The following ST7 variants were observed in gnomAD, a reference collection of about 807,000 sequenced individuals.
ST7 encodes suppressor of tumorigenicity 7 protein.
Under a neutral mutation model 78.7 loss-of-function variants are expected in ST7, and 28 were observed. The observed-to-expected ratio is 0.36, with a 90% CI of 0.26 to 0.49. ST7 has a LOEUF of 0.49. Among genes scored for constraint, ST7 ranks in the 20% least tolerant of loss-of-function variants. The pLI, the probability that ST7 is intolerant of heterozygous loss-of-function variation, is 0.99. For synonymous variants in ST7, 247 were observed against 249.6 expected (o/e 0.99, Z 0.10); for missense variants, 418 against 696.0 (o/e 0.60, Z 4.49).
intron 3 of ST7, among the ~76,000 whole-genome samples, chr7:117,127,350 C>T (rs1803935842): frequency 6.6e-6 from 1 of 151,766 alleles, no homozygotes; most frequent in African/African-American, 2.4e-5. Flanking sequence ...AGGTATGTTA[C>T]CTAGAGTGAT....
chr7:117,004,102 T>G (rs948513062), intron 1 of ST7, among the ~76,000 whole-genome samples: 9 of 152,236 alleles, frequency 5.9e-5, no homozygotes, highest in Admixed American at 4.6e-4. Context: ...TATGGATGAA[T>G]GCCAATTAGT....
intron 15 of ST7, among the ~76,000 whole-genome samples, chr7:117,226,400 G>A (rs959781887): frequency 6.6e-6 from 1 of 151,952 alleles, no homozygotes; most frequent in Non-Finnish European, 1.5e-5. Flanking sequence ...TTTAGACATC[G>A]AGATAAATAG....
intron 1 of ST7, among the ~76,000 whole-genome samples, chr7:116,957,772 C>A (rs1413052597): frequency 6.6e-6 from 1 of 152,184 alleles, no homozygotes; most frequent in East Asian, 1.9e-4. Context: ...GTGTTGATGG[C>A]ACTTTCTCAT....
intron 12 of ST7, among the ~76,000 whole-genome samples, chr7:117,203,019 A>T (rs1404309254): frequency 6.6e-6 from 1 of 152,198 alleles, no homozygotes; most frequent in African/African-American, 2.4e-5. Context: ...CAGGTTTCCC[A>T]TCCCATGAAT....
intron 9 of ST7, among the ~76,000 whole-genome samples, chr7:117,164,023 CTG>C (rs1429425043): frequency 6.6e-6 from 1 of 152,150 alleles, no homozygotes. Flanking sequence ...ATCCTAAAAT[CTG>C]TGTGGAACCA....
chr7:117,026,874 T>C (rs1031348094), intron 1 of ST7, among the ~76,000 whole-genome samples: 6 of 152,072 alleles, frequency 3.9e-5, no homozygotes, highest in Non-Finnish European at 8.8e-5. Flanking sequence ...AGACTGGAAG[T>C]TGTATGATGG....
At chr7:117,042,933 C>T (rs368565943) in intron 1 of ST7, among the ~76,000 whole-genome samples, 2 of 152,040 alleles carry the variant, frequency 1.3e-5, no homozygotes, top group African/African-American at 2.4e-5. Flanking sequence ...AGTGGTTCCA[C>T]TCTATATATA....
At chr7:117,002,464 A>G (rs1794974433) in intron 1 of ST7, among the ~76,000 whole-genome samples, 1 of 152,002 alleles carries the variant, frequency 6.6e-6, no homozygotes, top group African/African-American at 2.4e-5. Context: ...AAGACCCATT[A>G]TTTTAGGATT....
At chr7:117,075,932 C>T (rs903106720) in intron 1 of ST7, among the ~76,000 whole-genome samples, 1 of 152,212 alleles carries the variant, frequency 6.6e-6, no homozygotes, top group African/African-American at 2.4e-5. Flanking sequence ...GCCTCTCACA[C>T]AAAGTACCAA....
intron 1 of ST7, chr7:117,090,978 T>A (rs1800564693): frequency 6.4e-6 from 1 of 157,418 alleles, no homozygotes; most frequent in Non-Finnish European, 1.5e-5. Context: ...CCAGTATAGT[T>A]TCCCAGACCA....
At chr7:117,097,122 C>G (rs1248644423) in intron 1 of ST7, among the ~76,000 whole-genome samples, 1 of 151,868 alleles carries the variant, frequency 6.6e-6, no homozygotes, top group Non-Finnish European at 1.5e-5. Flanking sequence ...AGCAGAAAAT[C>G]TTTCCTCTCC....
chr7:117,160,399 C>T (rs950877018), intron 9 of ST7, among the ~76,000 whole-genome samples: 7 of 151,846 alleles, frequency 4.6e-5, no homozygotes, highest in South Asian at 2.1e-4. Context: ...GTGTTATCCC[C>T]GTCTTACTGA....
intron 2 of ST7, among the ~76,000 whole-genome samples, chr7:117,119,345 T>G (rs1366624893): frequency 6.6e-6 from 1 of 152,236 alleles, no homozygotes. Flanking sequence ...TGATTGATGT[T>G]ATAGTTTTTT....
chr7:117,117,008 C>CATCT (rs1802943741), intron 2 of ST7, among the ~76,000 whole-genome samples: 1 of 152,176 alleles, frequency 6.6e-6, no homozygotes, highest in Admixed American at 6.5e-5. Flanking sequence ...TGATAGGCTA[C>CATCT]ATCTGTCTGT....
At chr7:117,007,913 A>G (rs1228572215) in intron 1 of ST7, among the ~76,000 whole-genome samples, 1 of 152,220 alleles carries the variant, frequency 6.6e-6, no homozygotes. Context: ...CTCTAGAAAC[A>G]TTTTCCAAGT....
At chr7:117,139,776 T>A (rs989403893) in intron 9 of ST7, among the ~76,000 whole-genome samples, 1 of 152,226 alleles carries the variant, frequency 6.6e-6, no homozygotes, top group African/African-American at 2.4e-5. Context: ...TCAAAGAATG[T>A]TATATGGTAT....
chr7:117,072,352 A>C (rs1799020640), intron 1 of ST7: 1 of 152,208 alleles, frequency 6.6e-6, no homozygotes, highest in Non-Finnish European at 1.5e-5. Context: ...GCTTACTTAA[A>C]GATTCTAGAC....
At chr7:117,042,543 C>T (rs886798920) in intron 1 of ST7, among the ~76,000 whole-genome samples, 4 of 152,090 alleles carry the variant, frequency 2.6e-5, no homozygotes, top group Non-Finnish European at 4.4e-5. Flanking sequence ...AGAGATTAGA[C>T]GAGTATCACT....
chr7:117,176,692 G>A (rs1808365833), intron 10 of ST7, among the ~76,000 whole-genome samples: 1 of 152,150 alleles, frequency 6.6e-6, no homozygotes, highest in Non-Finnish European at 1.5e-5. Flanking sequence ...AGTAAAAATA[G>A]GAAGGATGTG....
Sources: gnomAD v4.1 joint callset for allele counts (sites outside exome capture counted in the v4.1 genomes callset) on GRCh38, gnomAD v4.1.1 for gene constraint, MANE v1.5 for transcripts, NCBI Gene and HGNC (gene_info 2026-07-23, HGNC 2026-07-21) for gene names.